Variants in ARHGEF3 observed in about 807,000 individuals in gnomAD.
ARHGEF3 encodes the protein Rho guanine nucleotide exchange factor 3, also known as 59.8 kDA protein.
In ARHGEF3, 28 loss-of-function variants were observed where a neutral mutation model predicts 63.2. The observed-to-expected ratio is 0.44, with a 90% CI of 0.33 to 0.61. ARHGEF3 has a LOEUF of 0.61. Ranked by LOEUF, ARHGEF3 falls within the 20% of genes least tolerant of loss-of-function variation. The pLI is 0.03. For missense variants in ARHGEF3, 533 were observed against 659.3 expected (o/e 0.81, Z 2.10); for synonymous variants, 266 against 254.2 (o/e 1.05, Z -0.44).
intron 1 of ARHGEF3, among the ~76,000 whole-genome samples, chr3:56,789,907 A>T (rs1394894750): frequency 6.6e-6 from 1 of 152,236 alleles, no homozygotes; most frequent in Non-Finnish European, 1.5e-5. Context: ...ACTAATTCCA[A>T]GTGGAAACTT....
chr3:57,036,684 G>A (rs780191539), intron 1 of ARHGEF3, among the ~76,000 whole-genome samples: 8 of 152,200 alleles, frequency 5.3e-5, no homozygotes, highest in Non-Finnish European at 8.8e-5. Flanking sequence ...AGAACTGGCT[G>A]TGCAGATCAT....
chr3:56,972,374 G>A (rs192717633), intron 2 of ARHGEF3, among the ~76,000 whole-genome samples: 2 of 152,080 alleles, frequency 1.3e-5, no homozygotes, highest in Non-Finnish European at 2.9e-5. Flanking sequence ...TTCACACCAA[G>A]TACATAATAA....
intron 4 of ARHGEF3, among the ~76,000 whole-genome samples, chr3:56,880,480 G>A (rs1348395704): frequency 6.7e-6 from 1 of 148,176 alleles, no homozygotes; most frequent in Non-Finnish European, 1.5e-5. Flanking sequence ...TTCTTCGATA[G>A]AAAGCATCTA....
At chr3:56,768,495 T>C (rs1043176263) in intron 2 of ARHGEF3, among the ~76,000 whole-genome samples, 1 of 152,026 alleles carries the variant, frequency 6.6e-6, no homozygotes, top group Non-Finnish European at 1.5e-5. Context: ...AAATATGTGT[T>C]AATAGGAGAC....
chr3:56,773,893 G>C, intron 1 of ARHGEF3, 77 bp from the exon 2 acceptor site: 1 of 1,185,702 alleles, frequency 8.4e-7, no homozygotes, highest in Non-Finnish European at 1.2e-6. Context: ...ATACAACTGT[G>C]TTCCACTCCA....
intron 3 of ARHGEF3, among the ~76,000 whole-genome samples, chr3:56,944,575 T>TTTTTC (rs1203763981): frequency 7.0e-6 from 1 of 142,658 alleles, no homozygotes; most frequent in Non-Finnish European, 1.5e-5. Context: ...TTTCTTTTTT[T>TTTTTC]TTTTTTTTTT....
intron 1 of ARHGEF3, among the ~76,000 whole-genome samples, chr3:57,045,199 G>A (rs56211117): frequency 0.15 from 23,545 of 152,190 alleles, 2,200 homozygotes; most frequent in Non-Finnish European, 0.22. Flanking sequence ...CCTAGGAGAC[G>A]GAGGTTAAAG....
In ARHGEF3 at chr3:56,815,130, C is replaced by T. The variant is rs924152906; in HGVS notation, c.193-41314G>A. 4.7e-5 allele frequency among the ~76,000 whole-genome samples: 7 copies of T among 148,994 alleles called. No homozygotes were observed. The East Asian group carries it at 7.9e-4, about 17-fold the overall frequency. ...CTGCATTCCAGCTTGGGCAACAGAG[C>T]GAGACCCCACCTCTAAAAAAATTAA... On this transcript the variant is annotated intron_variant, in intron 4 of 12. Coordinates refer to the ARHGEF3 transcript ENST00000338458.
At chr3:56,789,018 A>AGAT (rs1433204949) in intron 1 of ARHGEF3, among the ~76,000 whole-genome samples, 19 of 143,696 alleles carry the variant, frequency 1.3e-4, no homozygotes, top group South Asian at 2.3e-4. Context: ...CGTTCAAGAT[A>AGAT]GATGCTGCTG....
At chr3:56,909,133 G>T (rs2041784016) in intron 3 of ARHGEF3, among the ~76,000 whole-genome samples, 1 of 152,216 alleles carries the variant, frequency 6.6e-6, no homozygotes, top group Non-Finnish European at 1.5e-5. Context: ...AAGGGAGAAT[G>T]GATGGAGTGA....
At chr3:56,968,126 CAT>C (rs1386022500) in intron 2 of ARHGEF3, among the ~76,000 whole-genome samples, 3 of 26,556 alleles carry the variant, frequency 1.1e-4, no homozygotes, top group African/African-American at 1.4e-4. Context: ...ATATATAAAA[CAT>C]ATATTTTTAT....
chr3:57,021,404 C>T (rs1703251602), intron 2 of ARHGEF3, among the ~76,000 whole-genome samples: 1 of 152,192 alleles, frequency 6.6e-6, no homozygotes, highest in South Asian at 2.1e-4. Flanking sequence ...AACATTAGCG[C>T]ACTCCCACTG....
chr3:56,887,161 G>A (rs545845464), intron 3 of ARHGEF3, among the ~76,000 whole-genome samples: 30 of 152,298 alleles, frequency 2.0e-4, no homozygotes, highest in African/African-American at 6.5e-4. Context: ...AATAGGTTAC[G>A]TCTCACTTGC....
chr3:56,932,101 C>G (rs1164064314), intron 3 of ARHGEF3, among the ~76,000 whole-genome samples: 1 of 152,094 alleles, frequency 6.6e-6, no homozygotes, highest in African/African-American at 2.4e-5. Context: ...GGATTTAGTC[C>G]AATTCATTGC....
chr3:56,867,489 T>C (rs995486858), intron 4 of ARHGEF3, among the ~76,000 whole-genome samples: 12 of 151,982 alleles, frequency 7.9e-5, no homozygotes, highest in East Asian at 7.8e-4. Context: ...ATTTATTTTT[T>C]TGAGACAAGG....
intron 1 of ARHGEF3, chr3:56,775,404 C>T (rs2036237863): frequency 4.8e-6 from 5 of 1,033,162 alleles, no homozygotes; most frequent in Non-Finnish European, 5.8e-6. Context: ...AAATTCAATA[C>T]AATCTCACAA....
chr3:56,761,569 TTC>T (rs1274596667), intron 2 of ARHGEF3, among the ~76,000 whole-genome samples: 2 of 152,184 alleles, frequency 1.3e-5, no homozygotes, highest in Non-Finnish European at 2.9e-5. Context: ...CACTGATGGA[TTC>T]ATCAGCAACT....
intron 8 of ARHGEF3, among the ~76,000 whole-genome samples, chr3:56,733,575 C>T (rs1284573780): frequency 2.0e-5 from 3 of 152,028 alleles, no homozygotes. Context: ...TTCCCAAACC[C>T]ATGAAAAACA....
intron 3 of ARHGEF3, among the ~76,000 whole-genome samples, chr3:56,920,585 C>T (rs939158401): frequency 6.6e-6 from 1 of 152,116 alleles, no homozygotes; most frequent in African/African-American, 2.4e-5. Context: ...TGATTCTTTC[C>T]ATTTGAACTT....
Sources: allele counts gnomAD v4.1 joint callset (sites outside exome capture counted in the v4.1 genomes callset), GRCh38; gene constraint gnomAD v4.1.1; transcripts MANE v1.5; gene names NCBI Gene and HGNC (gene_info 2026-07-23, HGNC 2026-07-21).